NAV1: variants seen among roughly 807,000 people sequenced by gnomAD.
The protein encoded by NAV1 is neuron navigator 1.
A neutral mutation model predicts 175.2 loss-of-function variants in NAV1; 18 were observed. The ratio of observed to expected loss-of-function variants is 0.10; its 90% CI spans 0.07 to 0.15. NAV1 has a LOEUF of 0.15. Among genes scored for constraint, NAV1 ranks in the 10% least tolerant of loss-of-function variants. The probability of loss-of-function intolerance (pLI) is 1.00; values close to 1 mark genes in which losing one functional copy is unlikely to be tolerated. For missense variants in NAV1, 1,731 were observed against 2,436.6 expected (o/e 0.71, Z 6.10); for synonymous variants, 897 against 978.7 (o/e 0.92, Z 1.56).
intron 1 of NAV1, among the ~76,000 whole-genome samples, chr1:201,541,356 C>T (rs1033534986): frequency 2.6e-5 from 4 of 152,158 alleles, no homozygotes; most frequent in Non-Finnish European, 5.9e-5. Flanking sequence ...TTTGCTCCCC[C>T]AGACCCCCTC....
chr1:201,726,911 AC>A (rs1672629378), intron 3 of NAV1, among the ~76,000 whole-genome samples: 1 of 152,210 alleles, frequency 6.6e-6, no homozygotes, highest in Non-Finnish European at 1.5e-5. Context: ...ACACAGGCAT[AC>A]CACAGATGGG....
At chr1:201,761,823 A>G (rs1674864362) in intron 3 of NAV1, among the ~76,000 whole-genome samples, 2 of 151,898 alleles carry the variant, frequency 1.3e-5, no homozygotes, top group Admixed American at 6.6e-5. Flanking sequence ...TTTCTTCTCT[A>G]TTCTTTTCCA....
At chr1:201,826,844 C>G (rs768967180) in exon 30 of NAV1, 5 of 152,130 alleles carry the variant, frequency 3.3e-5, no homozygotes, top group East Asian at 1.9e-4. Context: ...GCTGAAGAGG[C>G]CTTCCTTCAT....
intron 2 of NAV1, among the ~76,000 whole-genome samples, chr1:201,613,296 C>T (rs939360265): frequency 6.6e-6 from 1 of 151,892 alleles, no homozygotes; most frequent in Non-Finnish European, 1.5e-5. Flanking sequence ...ACCCTCTCCC[C>T]GCCTCCCCCC....
chr1:201,556,117 C>T (rs1384902533), intron 1 of NAV1, among the ~76,000 whole-genome samples: 1 of 152,138 alleles, frequency 6.6e-6, no homozygotes, highest in East Asian at 1.9e-4. Flanking sequence ...GTATAACGCT[C>T]TTTTATAAAA....
chr1:201,697,556 CA>C (rs1297624319), intron 1 of NAV1, among the ~76,000 whole-genome samples: 1 of 152,232 alleles, frequency 6.6e-6, no homozygotes, highest in Non-Finnish European at 1.5e-5. Flanking sequence ...TCGTCTTGAG[CA>C]AGTCACTGCT....
At chr1:201,664,770 C>G (rs1439919700) in intron 1 of NAV1, among the ~76,000 whole-genome samples, 1 of 152,144 alleles carries the variant, frequency 6.6e-6, no homozygotes, top group Non-Finnish European at 1.5e-5. Flanking sequence ...CTTCCTGAGT[C>G]CTCTATTTTC....
chr1:201,626,219 C>T (rs1018213536), intron 1 of NAV1, among the ~76,000 whole-genome samples: 1 of 152,240 alleles, frequency 6.6e-6, no homozygotes, highest in Non-Finnish European at 1.5e-5. Flanking sequence ...GCTTCATAGC[C>T]AAGGAGGTGC....
chr1:201,604,491 A>G (rs1236194843), intron 2 of NAV1, among the ~76,000 whole-genome samples: 3 of 152,206 alleles, frequency 2.0e-5, no homozygotes, highest in African/African-American at 7.2e-5. Context: ...AGACAAGCCT[A>G]GCCAACATGG....
chr1:201,743,724 G>T (rs142279762), intron 3 of NAV1, among the ~76,000 whole-genome samples: 1 of 152,170 alleles, frequency 6.6e-6, no homozygotes, highest in East Asian at 1.9e-4. Flanking sequence ...ACATGGAACA[G>T]TTCCCAGCTT....
Position 201,812,988 on chromosome 1 carries a change from G to A in NAV1, c.5222-152G>A. The A allele has an allele frequency of 1.6e-6, 1 of 627,058 alleles. No individual in the cohort carries two copies. The highest frequency in any genetic ancestry group is 2.8e-6 in the Non-Finnish European group (1 of 355,824). 38.8% of individuals were successfully genotyped at this position (627,058 alleles called of 1,614,324 possible). On this transcript the variant is annotated intron_variant, in intron 27 of 29. Transcript: ENST00000367296. This position sits in a 1 kb window ranked among gnomAD's most constrained non-coding sequence, Gnocchi z 4.6. ...GCAGGACTTATGAGATTGCCATCTAGGCAGTCAGCACCCACTAGTCTTGAC... is the reference window on the plus strand; with the variant it reads ...GCAGGACTTATGAGATTGCCATCTAAGCAGTCAGCACCCACTAGTCTTGAC...
At chr1:201,793,909 T>TGGGGGGGGGGGGGCCC in intron 14 of NAV1, 34 bp downstream of exon 18, 4 of 516,472 alleles carry the variant, frequency 7.7e-6, no homozygotes, top group East Asian at 5.7e-5. Context: ...GAGGGGTGGG[T>TGGGGGGGGGGGGGCCC]GCGGCGAGGG....
At position 201,612,868 on chromosome 1, in the gene NAV1, T is replaced by C. The variant is rs1667895129; in HGVS notation, c.-32-9985T>C. Among the ~76,000 whole-genome samples the C allele has an allele frequency of 5.3e-5, 8 of 152,192 alleles. No homozygotes were observed. The South Asian group carries it at 1.7e-3, about 32-fold the overall frequency. ...GTATGTCTGTGTGTGTGTGTGTCAC[T>C]ATGTGTGTATGGTGTTGGTCTGAGG... On this transcript the variant is annotated intron_variant, in intron 2 of 33. Transcript: ENST00000685211.
intron 1 of NAV1, among the ~76,000 whole-genome samples, chr1:201,708,495 T>C (rs1671767618): frequency 6.6e-6 from 1 of 151,622 alleles, no homozygotes; most frequent in East Asian, 1.9e-4. Flanking sequence ...AGCTGGACCC[T>C]GTTCTGTAGG....
exon 30 of NAV1, chr1:201,821,148 A>C (rs1253601767): frequency 6.6e-6 from 1 of 152,626 alleles, no homozygotes; most frequent in Non-Finnish European, 1.5e-5. Context: ...TCCGAGCTTT[A>C]TCATGGACCA....
At chr1:201,695,028 G>T (rs1671129289) in intron 1 of NAV1, among the ~76,000 whole-genome samples, 2 of 152,192 alleles carry the variant, frequency 1.3e-5, no homozygotes, top group African/African-American at 4.8e-5. Context: ...CAAAAGGCAG[G>T]GTTGGCCAGA....
chr1:201,816,543 G>T (rs1679040429), intron 28 of NAV1, among the ~76,000 whole-genome samples: 1 of 151,738 alleles, frequency 6.6e-6, no homozygotes, highest in African/African-American at 2.4e-5. Flanking sequence ...ATTTTTTAAA[G>T]TTTTAATACA....
intron 1 of NAV1, among the ~76,000 whole-genome samples, chr1:201,653,939 C>T (rs1669300517): frequency 6.6e-6 from 1 of 152,228 alleles, no homozygotes; most frequent in African/African-American, 2.4e-5. Context: ...TTTCTTTTCT[C>T]ACCGTGTCCA....
At chr1:201,590,628 T>A (rs1667160042) in intron 2 of NAV1, among the ~76,000 whole-genome samples, 1 of 152,218 alleles carries the variant, frequency 6.6e-6, no homozygotes, top group East Asian at 1.9e-4. Context: ...CAGGCCCAGC[T>A]GAGGAAGGGC....
Sources: gnomAD v4.1 joint callset for allele counts (sites outside exome capture counted in the v4.1 genomes callset) on GRCh38, gnomAD v4.1.1 for gene constraint, Gnocchi (gnomAD v3.1) non-coding constraint, MANE v1.5 for transcripts, NCBI Gene and HGNC (gene_info 2026-07-23, HGNC 2026-07-21) for gene names.